The following LEMD3 variants were observed in gnomAD, a reference collection of about 807,000 sequenced individuals.
LEMD3 encodes the protein LEM domain containing 3.
LEMD3 carries 33 observed loss-of-function variants against 95.2 expected under a neutral mutation model. The ratio of observed to expected loss-of-function variants is 0.35; its 90% CI spans 0.26 to 0.46. The LOEUF is 0.46. Ranked by LOEUF, LEMD3 falls within the 20% of genes least tolerant of loss-of-function variation. The probability of loss-of-function intolerance (pLI) is 1.00; values close to 1 mark genes in which losing one functional copy is unlikely to be tolerated. For synonymous variants in LEMD3, 525 were observed against 474.6 expected, an observed-to-expected ratio of 1.11 and a Z score of -1.38; for missense variants, 1,210 against 1,192.8, an observed-to-expected ratio of 1.01 and a Z score of -0.21.
chr12:65,200,701 T>G (rs1869572705), intron 1 of LEMD3, among the ~76,000 whole-genome samples: 1 of 152,190 alleles, frequency 6.6e-6, no homozygotes, highest in African/African-American at 2.4e-5. Context: ...TTTCATCTAT[T>G]TTGAATAGCA....
chr12:65,216,137 T>C, intron 3 of LEMD3, 94 bp downstream of exon 3: 8 of 822,008 alleles, frequency 9.7e-6, no homozygotes, highest in South Asian at 6.0e-5. Flanking sequence ...TCCAGTGTTA[T>C]ATTTGTGAAA....
chr12:65,189,844 T>G (rs1481834219), intron 1 of LEMD3, among the ~76,000 whole-genome samples: 2 of 152,170 alleles, frequency 1.3e-5, no homozygotes, highest in East Asian at 3.9e-4. Flanking sequence ...TAAAAGCCTC[T>G]CTAGGCTATG....
chr12:65,242,261 T>G (rs532802414), intron 9 of LEMD3, among the ~76,000 whole-genome samples: 1 of 152,238 alleles, frequency 6.6e-6, no homozygotes, highest in Non-Finnish European at 1.5e-5. Flanking sequence ...AGTCCTTTTC[T>G]AGATTATCCT....
chr12:65,243,239 A>G (rs1003996874), intron 9 of LEMD3, 149 bp from the exon 10 acceptor site: 3 of 641,376 alleles, frequency 4.7e-6, no homozygotes, highest in African/African-American at 1.8e-5. Flanking sequence ...TTTGATAGCA[A>G]TGACTGTCTT....
chr12:65,192,318 C>T (rs1432769566), intron 1 of LEMD3, among the ~76,000 whole-genome samples: 1 of 152,074 alleles, frequency 6.6e-6, no homozygotes, highest in Non-Finnish European at 1.5e-5. Context: ...TCCTTTTTCA[C>T]GGTTGCTTTT....
intron 8 of LEMD3, 195 bp from the exon 9 acceptor site, chr12:65,240,714 A>C: frequency 3.3e-6 from 2 of 599,646 alleles, no homozygotes; most frequent in Non-Finnish European, 2.9e-6. Context: ...AAAAAAATAC[A>C]GATGTTTGTG....
intron 2 of LEMD3, among the ~76,000 whole-genome samples, chr12:65,214,041 A>C (rs1477902656): frequency 6.6e-6 from 1 of 152,188 alleles, no homozygotes; most frequent in African/African-American, 2.4e-5. Context: ...ACAAATGCTT[A>C]GGTTTCAGAA....
intron 1 of LEMD3, among the ~76,000 whole-genome samples, chr12:65,204,949 A>C (rs1185698492): frequency 6.6e-6 from 1 of 152,200 alleles, no homozygotes; most frequent in African/African-American, 2.4e-5. Flanking sequence ...TCACACTGCT[A>C]TAAAGAAATA....
intron 4 of LEMD3, among the ~76,000 whole-genome samples, chr12:65,231,643 TG>T (rs1214969602): frequency 2.6e-5 from 4 of 152,138 alleles, no homozygotes; most frequent in African/African-American, 9.7e-5. Flanking sequence ...CACTCCAGCC[TG>T]GATGACAGAG....
At chr12:65,236,656 C>T (rs1034219624) in intron 4 of LEMD3, among the ~76,000 whole-genome samples, 5 of 152,004 alleles carry the variant, frequency 3.3e-5, no homozygotes, top group East Asian at 1.9e-4. Flanking sequence ...TTATGCTGCA[C>T]CTCTAGTTTC....
At position 65,170,018 on chromosome 12, in the gene LEMD3, C is replaced by T; in HGVS notation, c.422C>T (p.Ser141Leu). The T allele has an allele frequency of 2.0e-6, 3 of 1,505,514 alleles. No individual in the cohort carries two copies. The highest frequency in any genetic ancestry group is 2.6e-6 in the Non-Finnish European group (3 of 1,137,016). 93.3% of individuals were successfully genotyped at this position (1,505,514 alleles called of 1,614,324 possible). Residue 141 changes from serine (S) to leucine (L), a missense_variant, in exon 1 of 13, where the codon TCG (serine) becomes TTG (leucine). Coordinates refer to ENST00000308330, the MANE Select transcript of LEMD3 (RefSeq NM_014319.5). ...AGSKVLLGFSSDESDVEASPR... is the reference protein window; with the variant it reads ...AGSKVLLGFSLDESDVEASPR... ...AGCAAAGTGCTGCTGGGCTTCAGCT[C>T]GGACGAGTCGGACGTGGAGGCCAGT... is the stretch of plus-strand genomic sequence containing the variant.
intron 4 of LEMD3, among the ~76,000 whole-genome samples, chr12:65,235,529 A>G (rs1427559125): frequency 3.9e-5 from 6 of 152,154 alleles, no homozygotes; most frequent in African/African-American, 1.4e-4. Context: ...CAATAAAAAG[A>G]AAAAAAGTAC....
intron 4 of LEMD3, among the ~76,000 whole-genome samples, chr12:65,222,651 T>A (rs1870327337): frequency 1.3e-5 from 2 of 152,108 alleles, no homozygotes; most frequent in African/African-American, 2.4e-5. Flanking sequence ...TTAATTTATT[T>A]TTGCTCCAAT....
At chr12:65,220,084 A>C (rs1870238294) in intron 4 of LEMD3, among the ~76,000 whole-genome samples, 1 of 152,236 alleles carries the variant, frequency 6.6e-6, no homozygotes, top group Non-Finnish European at 1.5e-5. Context: ...ATTGATAGAT[A>C]ATATGGTAGT....
At chr12:65,237,236 A>G (rs903973004) in intron 4 of LEMD3, among the ~76,000 whole-genome samples, 1 of 152,172 alleles carries the variant, frequency 6.6e-6, no homozygotes, top group Non-Finnish European at 1.5e-5. Flanking sequence ...TGGCATTGTT[A>G]TATATTTTAT....
intron 9 of LEMD3, among the ~76,000 whole-genome samples, chr12:65,242,443 A>G (rs1407599651): frequency 6.6e-6 from 1 of 152,186 alleles, no homozygotes; most frequent in Non-Finnish European, 1.5e-5. Flanking sequence ...ACCCAACTAT[A>G]TATTTCTGTA....
intron 2 of LEMD3, 54 bp downstream of exon 2, chr12:65,211,017 AG>A (rs746944252): frequency 1.0e-3 from 1,312 of 1,308,596 alleles, no homozygotes; most frequent in Non-Finnish European, 1.3e-3. Context: ...ATATGATAAA[AG>A]CATGAGAATG....
At chr12:65,235,811 CTCA>C (rs762043589) in intron 4 of LEMD3, among the ~76,000 whole-genome samples, 2 of 151,954 alleles carry the variant, frequency 1.3e-5, no homozygotes, top group Non-Finnish European at 2.9e-5. Flanking sequence ...CTGTTTAGCT[CTCA>C]TCATGATTAT....
intron 1 of LEMD3, chr12:65,171,479 A>G (rs1592426086): frequency 3.6e-6 from 1 of 276,372 alleles, no homozygotes; most frequent in Non-Finnish European, 7.1e-6. Flanking sequence ...GATAAGGCAC[A>G]TTATAAATGT....
Sources: allele counts gnomAD v4.1 joint callset (sites outside exome capture counted in the v4.1 genomes callset), GRCh38; gene constraint gnomAD v4.1.1; transcripts MANE v1.5; gene names NCBI Gene and HGNC (gene_info 2026-07-23, HGNC 2026-07-21).